STAU2: variants seen among roughly 807,000 people sequenced by gnomAD.
STAU2 encodes the protein staufen double-stranded RNA binding protein 2, also known as double-stranded RNA-binding protein Staufen homolog 2.
STAU2 carries 20 observed loss-of-function variants against 65.9 expected under a neutral mutation model. The observed-to-expected ratio is 0.30, with a 90% confidence interval of 0.21 to 0.44. The LOEUF (loss-of-function observed/expected upper bound fraction) is 0.44. Among genes scored for constraint, STAU2 ranks in the 20% least tolerant of loss-of-function variants. The pLI, the probability that STAU2 is intolerant of heterozygous loss-of-function variation, is 1.00. For missense variants in STAU2, 558 were observed against 683.9 expected, an observed-to-expected ratio of 0.82 and a Z score of 2.05; for synonymous variants, 232 against 233.9, an observed-to-expected ratio of 0.99 and a Z score of 0.07.
chr8:73,657,508 T>C (rs1816471401), intron 6 of STAU2, among the ~76,000 whole-genome samples: 1 of 152,164 alleles, frequency 6.6e-6, no homozygotes, highest in South Asian at 2.1e-4. Flanking sequence ...GAAGGAGAAT[T>C]CATAACCTTC....
chr8:73,734,730 G>A (rs1232218247), intron 3 of STAU2, among the ~76,000 whole-genome samples: 1 of 151,810 alleles, frequency 6.6e-6, no homozygotes, highest in African/African-American at 2.4e-5. Flanking sequence ...GAAGGCGGAG[G>A]ATGCAGTGAG....
At chr8:73,636,195 G>A (rs1814499845) in intron 6 of STAU2, among the ~76,000 whole-genome samples, 1 of 152,086 alleles carries the variant, frequency 6.6e-6, no homozygotes, top group South Asian at 2.1e-4. Flanking sequence ...TATCTATAAA[G>A]ATAAGACAAC....
chr8:73,689,279 ACT>A (rs1002480159), intron 4 of STAU2, among the ~76,000 whole-genome samples: 27 of 152,058 alleles, frequency 1.8e-4, no homozygotes, highest in African/African-American at 6.5e-4. Context: ...CTACCAAAAA[ACT>A]CTGAATCTCC....
At chr8:73,625,883 C>T (rs191154895) in intron 6 of STAU2, among the ~76,000 whole-genome samples, 39 of 152,170 alleles carry the variant, frequency 2.6e-4, no homozygotes, top group African/African-American at 8.9e-4. Flanking sequence ...TGTAAAAGAC[C>T]TCCCTTTTGC....
intron 13 of STAU2, among the ~76,000 whole-genome samples, chr8:73,540,996 C>T (rs1806507677): frequency 6.6e-6 from 1 of 152,112 alleles, no homozygotes; most frequent in South Asian, 2.1e-4. Context: ...GAATCTTTTA[C>T]CCAAATTCCA....
intron 10 of STAU2, among the ~76,000 whole-genome samples, chr8:73,596,956 T>A (rs147308218): frequency 6.6e-6 from 1 of 151,924 alleles, no homozygotes; most frequent in Non-Finnish European, 1.5e-5. Flanking sequence ...TTTTAAATAA[T>A]CCATGGACAT....
intron 13 of STAU2, among the ~76,000 whole-genome samples, chr8:73,503,199 G>T (rs2128920886): frequency 6.6e-6 from 1 of 152,250 alleles, no homozygotes; most frequent in African/African-American, 2.4e-5. Flanking sequence ...GCATAGCACA[G>T]TGTACATGGG....
chr8:73,436,029 T>C (rs1179178746), intron 13 of STAU2, among the ~76,000 whole-genome samples: 2 of 151,988 alleles, frequency 1.3e-5, no homozygotes, highest in Non-Finnish European at 2.9e-5. Flanking sequence ...ATGTGAAGCA[T>C]TCCTGCTGAA....
chr8:73,742,353 C>T (rs1456215817), intron 1 of STAU2: 1 of 409,036 alleles, frequency 2.4e-6, no homozygotes, highest in Non-Finnish European at 3.3e-6. Flanking sequence ...GCGAACACGG[C>T]AAAATCGTCT....
At chr8:73,465,261 C>A (rs1295363516) in intron 13 of STAU2, among the ~76,000 whole-genome samples, 2 of 152,146 alleles carry the variant, frequency 1.3e-5, no homozygotes, top group African/African-American at 4.8e-5. Flanking sequence ...ATTTCCATTT[C>A]TTTTGGGTGC....
chr8:73,523,409 G>A (rs1823167415), intron 13 of STAU2, among the ~76,000 whole-genome samples: 1 of 151,818 alleles, frequency 6.6e-6, no homozygotes, highest in African/African-American at 2.4e-5. Context: ...CAATGAATCT[G>A]GCTGTTTTTT....
chr8:73,592,297 C>T (rs962837853), intron 11 of STAU2, among the ~76,000 whole-genome samples: 21 of 151,664 alleles, frequency 1.4e-4, no homozygotes, highest in African/African-American at 5.1e-4. Flanking sequence ...TCTGCTACTA[C>T]TAAAAGAGTA....
intron 12 of STAU2, among the ~76,000 whole-genome samples, chr8:73,558,433 T>C (rs999783889): frequency 1.1e-4 from 17 of 152,242 alleles, no homozygotes; most frequent in Non-Finnish European, 1.5e-4. Context: ...TTCTTTCAGA[T>C]GGGTATATGA....
intron 13 of STAU2, among the ~76,000 whole-genome samples, chr8:73,511,992 A>G (rs985084444): frequency 1.3e-5 from 2 of 151,976 alleles, no homozygotes; most frequent in Non-Finnish European, 2.9e-5. Flanking sequence ...TTTTCCCAGT[A>G]CCCTCTGTTG....
intron 12 of STAU2, among the ~76,000 whole-genome samples, chr8:73,580,455 C>A (rs938019747): frequency 3.3e-5 from 5 of 152,312 alleles, no homozygotes; most frequent in East Asian, 1.9e-4. Context: ...TGTCTTCCCC[C>A]ACATGTGCCA....
chr8:73,718,966 G>A (rs958789357), intron 3 of STAU2, among the ~76,000 whole-genome samples: 4 of 152,176 alleles, frequency 2.6e-5, no homozygotes, highest in African/African-American at 9.7e-5. Context: ...GGTCATCTGT[G>A]AATAAGGACA....
chr8:73,554,823 T>C (rs75181980), intron 12 of STAU2, among the ~76,000 whole-genome samples: 10,898 of 152,288 alleles, frequency 0.072, 1,056 homozygotes, highest in African/African-American at 0.22. Flanking sequence ...AGGAAGCCCT[T>C]AATAATCTGG....
intron 12 of STAU2, among the ~76,000 whole-genome samples, chr8:73,569,035 G>A (rs895910520): frequency 1.3e-5 from 2 of 152,068 alleles, no homozygotes; most frequent in African/African-American, 4.8e-5. Flanking sequence ...GAAGCGCAAG[G>A]GGTCGGGGAA....
At chr8:73,655,924 A>G (rs1315123048) in intron 6 of STAU2, among the ~76,000 whole-genome samples, 1 of 151,862 alleles carries the variant, frequency 6.6e-6, no homozygotes, top group Non-Finnish European at 1.5e-5. Context: ...CTGGGATTAC[A>G]GGCATGAGCC....
Sources: gnomAD v4.1 joint callset for allele counts (sites outside exome capture counted in the v4.1 genomes callset) on GRCh38, gnomAD v4.1.1 for gene constraint, MANE v1.5 for transcripts, NCBI Gene and HGNC (gene_info 2026-07-23, HGNC 2026-07-21) for gene names.